The following PLCB1 variants were observed in gnomAD, a reference collection of about 807,000 sequenced individuals.
PLCB1 encodes 1-phosphatidylinositol 4,5-bisphosphate phosphodiesterase beta-1.
Under a neutral mutation model 161.8 loss-of-function variants are expected in PLCB1, and 46 were observed. That is an observed-to-expected ratio of 0.28 (90% CI 0.22 to 0.36). PLCB1 has a LOEUF of 0.36. Among genes scored for constraint, PLCB1 ranks in the 10% least tolerant of loss-of-function variants. The probability of loss-of-function intolerance (pLI) is 1.00; values close to 1 mark genes in which losing one functional copy is unlikely to be tolerated. For synonymous variants in PLCB1, 517 were observed against 503.7 expected (o/e 1.03, Z -0.35); for missense variants, 1,016 against 1,472.5 (o/e 0.69, Z 5.07).
intron 2 of PLCB1, among the ~76,000 whole-genome samples, chr20:8,270,724 G>A (rs893632699): frequency 6.6e-6 from 1 of 152,186 alleles, no homozygotes; most frequent in Admixed American, 6.6e-5. Flanking sequence ...TCTTTAGTGT[G>A]TGTTTATCCT....
chr20:8,718,232 T>A (rs1253405083), intron 14 of PLCB1, among the ~76,000 whole-genome samples: 1 of 151,396 alleles, frequency 6.6e-6, no homozygotes, highest in Non-Finnish European at 1.5e-5. Flanking sequence ...AAAAAAAGAA[T>A]TTGCTGCTCT....
intron 19 of PLCB1, among the ~76,000 whole-genome samples, chr20:8,734,838 TAAAC>T (rs147450632): frequency 0.015 from 2,219 of 152,256 alleles, 126 homozygotes; most frequent in East Asian, 0.14. Context: ...TGATTAACCT[TAAAC>T]AAAGGCATTT....
At chr20:8,582,541 C>T (rs1248502025) in intron 3 of PLCB1, among the ~76,000 whole-genome samples, 1 of 152,182 alleles carries the variant, frequency 6.6e-6, no homozygotes, top group Non-Finnish European at 1.5e-5. Flanking sequence ...CTTATTCCCT[C>T]ATCTGTTTCC....
chr20:8,243,617 C>T (rs1164421312), intron 2 of PLCB1, among the ~76,000 whole-genome samples: 1 of 151,876 alleles, frequency 6.6e-6, no homozygotes, highest in African/African-American at 2.4e-5. Flanking sequence ...TATTTAACTC[C>T]AGATCTGATT....
intron 2 of PLCB1, among the ~76,000 whole-genome samples, chr20:8,257,337 G>A (rs1296799011): frequency 6.6e-6 from 1 of 151,840 alleles, no homozygotes; most frequent in Admixed American, 6.6e-5. Flanking sequence ...TAGAGAAAAT[G>A]AAAAAGAAAA....
At chr20:8,166,599 A>T (rs1188495360) in intron 2 of PLCB1, among the ~76,000 whole-genome samples, 1 of 152,168 alleles carries the variant, frequency 6.6e-6, no homozygotes, top group Admixed American at 6.5e-5. Context: ...CCGGAAAGCA[A>T]ACATTTCCAA....
chr20:8,310,786 G>A (rs571407114), intron 2 of PLCB1, among the ~76,000 whole-genome samples: 66 of 152,226 alleles, frequency 4.3e-4, no homozygotes, highest in African/African-American at 1.6e-3. Context: ...GTTTACCCAA[G>A]ATTAACTCCC....
intron 3 of PLCB1, among the ~76,000 whole-genome samples, chr20:8,449,628 C>T (rs1980986175): frequency 6.6e-6 from 1 of 152,214 alleles, no homozygotes; most frequent in Non-Finnish European, 1.5e-5. Flanking sequence ...GGGGCACATA[C>T]TACAATCGTT....
chr20:8,790,232 C>T lies in PLCB1; in HGVS notation c.3394C>T (p.Arg1132Cys), dbSNP rs755357721. ...EKLVEKHKEIRQQILDEKPKL... is the reference protein window; with the variant it reads ...EKLVEKHKEICQQILDEKPKL... Reference sequence around the variant, plus strand: ...ACTCGTAGAGAAACACAAGGAAATACGTCAGCAGATCCTGGATGAAAAGCC... The same window carrying T: ...ACTCGTAGAGAAACACAAGGAAATATGTCAGCAGATCCTGGATGAAAAGCC... Residue 1132 changes from arginine to cysteine, a missense_variant, in exon 31 of 32, where the codon CGT (arginine) becomes TGT (cysteine). Coordinates refer to ENST00000338037, the MANE Select transcript of PLCB1 (RefSeq NM_015192.4). 40 of 1,611,328 alleles carry T rather than the reference C, an allele frequency of 2.5e-5. No homozygotes were observed. The South Asian group carries it at 3.4e-4, about 14-fold the overall frequency.
At chr20:8,724,437 G>A (rs776515507) in intron 15 of PLCB1, among the ~76,000 whole-genome samples, 73 of 152,078 alleles carry the variant, frequency 4.8e-4, no homozygotes, top group Non-Finnish European at 8.1e-4. Flanking sequence ...GGGCCATGCT[G>A]CCAGCCACCA....
At chr20:8,370,332 C>T (rs1247156094) in intron 2 of PLCB1, among the ~76,000 whole-genome samples, 1 of 152,220 alleles carries the variant, frequency 6.6e-6, no homozygotes, top group Non-Finnish European at 1.5e-5. Context: ...TGTCATCTCT[C>T]ATGACTTCTT....
chr20:8,288,632 G>T (rs1233279689), intron 2 of PLCB1, among the ~76,000 whole-genome samples: 1 of 152,050 alleles, frequency 6.6e-6, no homozygotes, highest in African/African-American at 2.4e-5. Context: ...CTTCGGCCAG[G>T]GTGGTACTCC....
At chr20:8,384,541 C>T (rs918897818) in intron 3 of PLCB1, among the ~76,000 whole-genome samples, 1 of 152,026 alleles carries the variant, frequency 6.6e-6, no homozygotes, top group African/African-American at 2.4e-5. Context: ...TCCATCTCAT[C>T]CTCTGTCCAG....
intron 2 of PLCB1, among the ~76,000 whole-genome samples, chr20:8,335,106 A>G (rs544784607): frequency 2.5e-4 from 38 of 152,352 alleles, no homozygotes; most frequent in African/African-American, 8.2e-4. Context: ...CTTTGCTCCA[A>G]TGCTATAATA....
At chr20:8,172,529 G>A (rs1387315149) in intron 2 of PLCB1, among the ~76,000 whole-genome samples, 6 of 152,182 alleles carry the variant, frequency 3.9e-5, no homozygotes, top group African/African-American at 1.4e-4. Context: ...CTGAAGACAA[G>A]GGCGAATTAT....
chr20:8,648,071 G>A (rs1244798403), intron 6 of PLCB1, 118 bp downstream of exon 6: 1 of 670,696 alleles, frequency 1.5e-6, no homozygotes, highest in South Asian at 2.0e-5. Context: ...ATGCGTGGTA[G>A]CCCTGTCCTC....
At chr20:8,518,282 A>G (rs923337655) in intron 3 of PLCB1, among the ~76,000 whole-genome samples, 2 of 152,124 alleles carry the variant, frequency 1.3e-5, no homozygotes, top group African/African-American at 4.8e-5. Context: ...ACTTGTCTTC[A>G]TTGACTAATG....
intron 2 of PLCB1, among the ~76,000 whole-genome samples, chr20:8,333,743 G>A (rs1985456371): frequency 6.6e-6 from 1 of 152,188 alleles, no homozygotes; most frequent in Non-Finnish European, 1.5e-5. Context: ...CATCTTTACT[G>A]CATTCTTGTG....
chr20:8,444,824 T>G (rs1033989732), intron 3 of PLCB1, among the ~76,000 whole-genome samples: 1 of 152,230 alleles, frequency 6.6e-6, no homozygotes, highest in African/African-American at 2.4e-5. Flanking sequence ...TTTTCATGTG[T>G]CTGTTGGCTG....
Sources: allele counts gnomAD v4.1 joint callset (sites outside exome capture counted in the v4.1 genomes callset), GRCh38; gene constraint gnomAD v4.1.1; transcripts MANE v1.5; gene names NCBI Gene and HGNC (gene_info 2026-07-23, HGNC 2026-07-21).